Variants in RALYL observed in about 807,000 individuals in gnomAD.
The protein encoded by RALYL is RALY RNA binding protein like.
RALYL carries 29 observed loss-of-function variants against 35.1 expected under a neutral mutation model. The observed-to-expected ratio is 0.83, with a 90% confidence interval of 0.61 to 1.13. The LOEUF (loss-of-function observed/expected upper bound fraction) is 1.13. Ranked by LOEUF, RALYL falls within the 50% of genes most tolerant of loss-of-function variation. The pLI, the probability that RALYL is intolerant of heterozygous loss-of-function variation, is 0.00. For synonymous variants in RALYL, 120 were observed against 127.6 expected (o/e 0.94, Z 0.40); for missense variants, 359 against 360.4 (o/e 1.00, Z 0.03).
chr8:84,215,994 G>A (rs1024527937), intron 1 of RALYL, among the ~76,000 whole-genome samples: 1 of 152,022 alleles, frequency 6.6e-6, no homozygotes, highest in Non-Finnish European at 1.5e-5. Context: ...AAAATTTATA[G>A]TCCCAGAGTA....
At chr8:84,262,710 A>G (rs1390278535) in intron 1 of RALYL, among the ~76,000 whole-genome samples, 1 of 152,172 alleles carries the variant, frequency 6.6e-6, no homozygotes, top group Non-Finnish European at 1.5e-5. Flanking sequence ...TTGGTGATCT[A>G]TTAATGGGTC....
Position 84,204,415 on chromosome 8 carries a change from A to G in RALYL, c.-24+19991A>G, listed in dbSNP as rs1348336853. Among the ~76,000 whole-genome samples the G allele has an allele frequency of 2.6e-5, 4 of 152,230 alleles. No homozygotes were observed. The East Asian group carries it at 7.7e-4, about 29-fold the overall frequency. On this transcript the variant is annotated intron_variant, in intron 1 of 8. Transcript: ENST00000521268. Reference sequence around the variant, plus strand: ...GTATTTTTTCTTTCTTACAAAGACTACACATATTTTGACCCAATCTGTTTC... The same window carrying G: ...GTATTTTTTCTTTCTTACAAAGACTGCACATATTTTGACCCAATCTGTTTC...
At chr8:84,844,699 G>T (rs146667749) in intron 4 of RALYL, among the ~76,000 whole-genome samples, 1,962 of 152,068 alleles carry the variant, frequency 0.013, 29 homozygotes, top group Middle Eastern at 0.037. Flanking sequence ...ATTCACAATG[G>T]CAAAGACTTG....
chr8:84,911,381 T>C lies in RALYL; in HGVS notation c.859-9513T>C, dbSNP rs907517880. 3.3e-5 allele frequency among the ~76,000 whole-genome samples: 5 copies of C among 152,304 alleles called. No homozygotes were observed. The South Asian group carries it at 6.2e-4, about 19-fold the overall frequency. On this transcript the variant is annotated intron_variant, in intron 8 of 8. Coordinates refer to ENST00000521268, the MANE Select transcript of RALYL (RefSeq NM_173848.7). ...AGATCCAATCCATGAGTCAATTACA[T>C]TGAAATATTCAATGGCTATTTGCTA...
chr8:84,570,786 G>T (rs558041927), intron 2 of RALYL, among the ~76,000 whole-genome samples: 1 of 151,650 alleles, frequency 6.6e-6, no homozygotes, highest in Non-Finnish European at 1.5e-5. Context: ...TGTGGGTTTT[G>T]TATCATGAAG....
At chr8:84,284,880 G>C (rs945971395) in intron 1 of RALYL, among the ~76,000 whole-genome samples, 16 of 152,216 alleles carry the variant, frequency 1.1e-4, no homozygotes, top group Middle Eastern at 3.4e-3. Context: ...ATAATAACTA[G>C]GAAACCTAAA....
At chr8:84,882,501 A>G (rs939082928) in intron 7 of RALYL, among the ~76,000 whole-genome samples, 1 of 152,008 alleles carries the variant, frequency 6.6e-6, no homozygotes. Flanking sequence ...GTTATCTTGG[A>G]TTTATATTTT....
intron 2 of RALYL, among the ~76,000 whole-genome samples, chr8:84,615,606 T>C (rs1819370969): frequency 7.0e-6 from 1 of 143,274 alleles, no homozygotes; most frequent in Admixed American, 6.9e-5. Flanking sequence ...TTTTTACTTA[T>C]TATTATACTT....
chr8:84,879,236 T>C (rs1841753151), intron 7 of RALYL, among the ~76,000 whole-genome samples: 3 of 152,082 alleles, frequency 2.0e-5, no homozygotes, highest in Admixed American at 2.0e-4. Flanking sequence ...AAATAGCTAC[T>C]GGGTGGGAAA....
chr8:84,477,818 C>T (rs1242872749), intron 1 of RALYL, among the ~76,000 whole-genome samples: 1 of 151,736 alleles, frequency 6.6e-6, no homozygotes, highest in African/African-American at 2.4e-5. Flanking sequence ...AAGTGATATC[C>T]TTAACACCCT....
intron 1 of RALYL, among the ~76,000 whole-genome samples, chr8:84,402,148 C>T (rs1220625146): frequency 6.6e-6 from 1 of 152,240 alleles, no homozygotes; most frequent in South Asian, 2.1e-4. Flanking sequence ...AGACATATCA[C>T]TTTTGTTTTG....
intron 2 of RALYL, among the ~76,000 whole-genome samples, chr8:84,633,731 C>T (rs1226691125): frequency 6.6e-6 from 1 of 151,754 alleles, no homozygotes; most frequent in African/African-American, 2.4e-5. Context: ...CTGTATGGGT[C>T]ATATCACTTC....
At chr8:84,284,195 T>A (rs1743612651) in intron 1 of RALYL, among the ~76,000 whole-genome samples, 1 of 152,156 alleles carries the variant, frequency 6.6e-6, no homozygotes. Flanking sequence ...TCTCATTCAA[T>A]GACAGACATA....
intron 1 of RALYL, among the ~76,000 whole-genome samples, chr8:84,345,888 A>G (rs1364667447): frequency 1.3e-5 from 2 of 152,078 alleles, no homozygotes; most frequent in Non-Finnish European, 2.9e-5. Flanking sequence ...TTTAGGTACC[A>G]TGGACTGTGC....
At chr8:84,192,903 GTGT>G (rs1814299870) in intron 1 of RALYL, among the ~76,000 whole-genome samples, 8 of 124,632 alleles carry the variant, frequency 6.4e-5, no homozygotes, top group South Asian at 2.7e-4. Context: ...GTGTGTGTGT[GTGT>G]GGGGGGGGGG....
intron 1 of RALYL, among the ~76,000 whole-genome samples, chr8:84,437,261 A>G (rs1350594929): frequency 6.6e-6 from 1 of 152,106 alleles, no homozygotes; most frequent in Admixed American, 6.6e-5. Context: ...TCTTCATGCA[A>G]TCCACCATCA....
At chr8:84,710,871 C>CA (rs1327891457) in intron 2 of RALYL, among the ~76,000 whole-genome samples, 1 of 152,074 alleles carries the variant, frequency 6.6e-6, no homozygotes, top group African/African-American at 2.4e-5. Context: ...AGCAAAACAA[C>CA]ATTTTATTGA....
chr8:84,766,277 A>G (rs1407924090), intron 2 of RALYL, among the ~76,000 whole-genome samples: 2 of 152,172 alleles, frequency 1.3e-5, no homozygotes, highest in African/African-American at 4.8e-5. Context: ...AGAACATTTG[A>G]GTTAAATGCA....
At chr8:84,748,198 C>T (rs187585854) in intron 2 of RALYL, among the ~76,000 whole-genome samples, 1 of 151,900 alleles carries the variant, frequency 6.6e-6, no homozygotes, top group Non-Finnish European at 1.5e-5. Flanking sequence ...TGACTCTTGG[C>T]CATGATTCAA....
Sources: gnomAD v4.1 joint callset for allele counts (sites outside exome capture counted in the v4.1 genomes callset) on GRCh38, gnomAD v4.1.1 for gene constraint, MANE v1.5 for transcripts, NCBI Gene and HGNC (gene_info 2026-07-23, HGNC 2026-07-21) for gene names.